CDON: variants seen among roughly 807,000 people sequenced by gnomAD.
The protein encoded by CDON is cell adhesion associated, oncogene regulated.
In CDON, 73 loss-of-function variants were observed where a neutral mutation model predicts 120.9. The ratio of observed to expected loss-of-function variants is 0.60; its 90% CI spans 0.50 to 0.73. CDON has a LOEUF of 0.73. Among genes scored for constraint, CDON ranks in the 30% least tolerant of loss-of-function variants. The pLI is 0.00. For missense variants in CDON, 1,470 were observed against 1,587.3 expected (o/e 0.93, Z 1.26); for synonymous variants, 566 against 573.5 (o/e 0.99, Z 0.19).
At chr11:125,995,591 A>G (rs1319958209) in intron 12 of CDON, among the ~76,000 whole-genome samples, 1 of 152,226 alleles carries the variant, frequency 6.6e-6, no homozygotes, top group Non-Finnish European at 1.5e-5. Context: ...ACTACTGTGG[A>G]AGGAATTGTT....
chr11:125,961,925 G>A lies in CDON; in HGVS notation c.3430C>T (p.Gln1144Ter). The A allele has an allele frequency of 6.2e-7, 1 of 1,614,228 alleles. No individual in the cohort carries two copies. Among genetic ancestry groups the A allele is most frequent in the Non-Finnish European group, 8.5e-7 (1 of 1,180,046 alleles). ...AGGGGCTTCATTTCCAAACCATCCTGAGGATAAGGTGCTACCACAGGGACC... is the reference window on the plus strand; with the variant it reads ...AGGGGCTTCATTTCCAAACCATCCTAAGGATAAGGTGCTACCACAGGGACC... ...PVVPVVAPYP[Q>*]DGLEMKPLSH... The change falls in exon 19 of 20, where the codon CAG becomes TAG. Residue 1144 changes from glutamine (Q) to a stop codon, truncating the protein, a stop_gained. Coordinates refer to ENST00000531738, the MANE Select transcript of CDON (RefSeq NM_001378964.1). LOFTEE classifies it high-confidence loss of function.
chr11:125,973,897 ATTT>A (rs940162705), intron 18 of CDON, among the ~76,000 whole-genome samples: 57 of 149,294 alleles, frequency 3.8e-4, no homozygotes, highest in African/African-American at 1.3e-3. Context: ...TATTTATGTC[ATTT>A]TTTTTTTCTT....
At chr11:125,988,289 C>G (rs1946525473) in intron 15 of CDON, among the ~76,000 whole-genome samples, 1 of 152,114 alleles carries the variant, frequency 6.6e-6, no homozygotes, top group Admixed American at 6.6e-5. Context: ...AAAGGTGATG[C>G]CCAGAACTGT....
chr11:126,048,516 C>T (rs2134890345), intron 1 of CDON, among the ~76,000 whole-genome samples: 1 of 152,146 alleles, frequency 6.6e-6, no homozygotes, highest in East Asian at 1.9e-4. Context: ...GAAGGCAAAG[C>T]GTCAAAAATC....
intron 13 of CDON, among the ~76,000 whole-genome samples, chr11:125,994,633 T>C (rs1314078575): frequency 6.6e-6 from 1 of 152,212 alleles, no homozygotes; most frequent in African/African-American, 2.4e-5. Context: ...TCAAAATGAA[T>C]CATGATGGCA....
intron 4 of CDON, 43 bp downstream of exon 4, chr11:126,019,576 A>C: frequency 6.2e-7 from 1 of 1,609,560 alleles, no homozygotes. Flanking sequence ...TTTAATGAGC[A>C]TTTGTTCTGT....
chr11:126,062,061 C>T (rs1948811128), intron 1 of CDON, among the ~76,000 whole-genome samples: 1 of 152,204 alleles, frequency 6.6e-6, no homozygotes, highest in Admixed American at 6.5e-5. Flanking sequence ...CCACAGAAAG[C>T]TTTACAGAGG....
At chr11:126,027,359 T>C (rs1423495089) in intron 1 of CDON, among the ~76,000 whole-genome samples, 1 of 152,192 alleles carries the variant, frequency 6.6e-6, no homozygotes, top group Non-Finnish European at 1.5e-5. Context: ...TCACAGTATA[T>C]CCATTAGTAC....
chr11:125,973,018 C>CTTTTTTTTTTCTTTTT (rs1946047441), intron 18 of CDON, among the ~76,000 whole-genome samples: 1 of 87,070 alleles, frequency 1.1e-5, no homozygotes, highest in Admixed American at 1.4e-4. Context: ...ATTACTTGGT[C>CTTTTTTTTTTCTTTTT]TTTTTTTTTT....
rs1252572778 is a variant in CDON, at chr11:125,957,388, A to T, written c.*3554T>A. On this transcript the variant is annotated 3_prime_UTR_variant, in exon 20 of 20. Coordinates refer to ENST00000531738, the MANE Select transcript of CDON (RefSeq NM_001378964.1). ...TCAGAGGAAGACATTCGCCCACCCC[A>T]ATCACAAACTATAAGCAGCGTTGTA... 1.3e-5 allele frequency: 2 copies of T among 152,210 alleles called. No homozygotes were observed. Among genetic ancestry groups the T allele is most frequent in the Non-Finnish European group, 2.9e-5 (2 of 68,058 alleles). 9.4% of individuals were successfully genotyped at this position (152,210 alleles called of 1,614,324 possible). A position where few individuals can be genotyped will look rare whatever the true frequency, so the allele number is the denominator to read the frequency against.
intron 1 of CDON, among the ~76,000 whole-genome samples, chr11:126,045,048 C>CG (rs1161011230): frequency 6.6e-6 from 1 of 151,806 alleles, no homozygotes; most frequent in Non-Finnish European, 1.5e-5. Context: ...GAGAGAGAGA[C>CG]GGAGTCTTGC....
chr11:126,036,820 C>T (rs921573609), intron 1 of CDON, among the ~76,000 whole-genome samples: 1 of 152,166 alleles, frequency 6.6e-6, no homozygotes, highest in African/African-American at 2.4e-5. Flanking sequence ...TCCCAAGTGG[C>T]TGGCACCACA....
intron 18 of CDON, among the ~76,000 whole-genome samples, chr11:125,966,617 G>C (rs1945808471): frequency 6.6e-6 from 1 of 152,134 alleles, no homozygotes; most frequent in Non-Finnish European, 1.5e-5. Flanking sequence ...GCAGATCCAA[G>C]AAGCTCTGTG....
intron 1 of CDON, among the ~76,000 whole-genome samples, chr11:126,043,058 GGCTACTC>G (rs1326427854): frequency 6.6e-6 from 1 of 152,184 alleles, no homozygotes; most frequent in Non-Finnish European, 1.5e-5. Context: ...AAGAACCAGA[GGCTACTC>G]GCTTTGACCT....
intron 1 of CDON, among the ~76,000 whole-genome samples, chr11:126,054,927 A>G (rs1262483024): frequency 3.9e-5 from 6 of 152,164 alleles, no homozygotes; most frequent in Non-Finnish European, 8.8e-5. Context: ...CCTGCGAGAA[A>G]GCATGGTATA....
At position 126,034,236 on chromosome 11, in the gene CDON, C is replaced by T. The variant is rs1247436269; in HGVS notation, c.-61-10699G>A. On this transcript the variant is annotated intron_variant, in intron 1 of 19. Coordinates refer to ENST00000531738, the MANE Select transcript of CDON (RefSeq NM_001378964.1). The surrounding 1 kb of genome is among the most constrained non-coding windows in gnomAD (Gnocchi z 4.5). Reference sequence around the variant, plus strand: ...CAAACGATCCTGCTGCCTGCGAAAGCATTTCCTTTCACCGTGGACTGCCAA... The same window carrying T: ...CAAACGATCCTGCTGCCTGCGAAAGTATTTCCTTTCACCGTGGACTGCCAA... Among the ~76,000 whole-genome samples, 4 of 152,256 alleles carry T rather than the reference C, an allele frequency of 2.6e-5. No individual in the cohort carries two copies. In the East Asian group the frequency reaches 7.7e-4, roughly 29 times the overall value.
At chr11:126,018,756 A>T (rs1426832387) in intron 4 of CDON, among the ~76,000 whole-genome samples, 1 of 152,082 alleles carries the variant, frequency 6.6e-6, no homozygotes, top group Non-Finnish European at 1.5e-5. Context: ...TTTTGTAGAG[A>T]TGGGGGTCTC....
rs769832631 is a variant in CDON, at chr11:126,027,969, C to CT, written c.-61-4433dup. On this transcript the variant is annotated intron_variant, in intron 1 of 19. Transcript: ENST00000531738. ...AGAATTCTGACTTAAATCACTCTGC[C>CT]TTTTTTTTTTTTTTTTTTTACTTTA... Among the ~76,000 whole-genome samples the CT allele has an allele frequency of 5.0e-3, 629 of 125,764 alleles. 2 individuals carry two copies. Among genetic ancestry groups the CT allele is most frequent in the African/African-American group, 0.011 (381 of 33,876 alleles). 82.5% of individuals were successfully genotyped at this position (125,764 alleles called of 152,430 possible).
At chr11:126,040,624 G>T (rs993199401) in intron 1 of CDON, among the ~76,000 whole-genome samples, 3 of 142,808 alleles carry the variant, frequency 2.1e-5, no homozygotes, top group African/African-American at 7.8e-5. Flanking sequence ...GACCATCCTG[G>T]CTAACACGGT....
Sources: gnomAD v4.1 joint callset for allele counts (sites outside exome capture counted in the v4.1 genomes callset) on GRCh38, gnomAD v4.1.1 for gene constraint, Gnocchi (gnomAD v3.1) non-coding constraint, MANE v1.5 for transcripts, NCBI Gene and HGNC (gene_info 2026-07-23, HGNC 2026-07-21) for gene names.